WBP2NL: variants seen among roughly 807,000 people sequenced by gnomAD.
WBP2NL encodes WBP2 N-terminal like.
In WBP2NL, 27 loss-of-function variants were observed where a neutral mutation model predicts 23.3. That is an observed-to-expected ratio of 1.16 (90% confidence interval 0.85 to 1.60). The LOEUF (loss-of-function observed/expected upper bound fraction) is 1.60. Among genes scored for constraint, WBP2NL ranks in the 40% most tolerant of loss-of-function variants. The pLI is 0.00. For synonymous variants in WBP2NL, 151 were observed against 145.9 expected (o/e 1.03, Z -0.25); for missense variants, 370 against 389.5 (o/e 0.95, Z 0.42).
intron 8 of WBP2NL, among the ~76,000 whole-genome samples, chr22:42,040,695 G>GTT (rs1391704003): frequency 1.3e-5 from 2 of 152,116 alleles, no homozygotes; most frequent in Non-Finnish European, 2.9e-5. Context: ...AGAGTGTATT[G>GTT]TTTTTATGAA....
intron 1 of WBP2NL, among the ~76,000 whole-genome samples, chr22:42,008,939 C>T (rs556647198): frequency 7.9e-5 from 12 of 152,210 alleles, no homozygotes; most frequent in East Asian, 3.9e-4. Flanking sequence ...CCACCACGCC[C>T]GGCTAATTTT....
At chr22:42,041,454 C>T (rs1251334755) in intron 8 of WBP2NL, among the ~76,000 whole-genome samples, 2 of 147,940 alleles carry the variant, frequency 1.4e-5, no homozygotes, top group Non-Finnish European at 3.0e-5. Flanking sequence ...TGCACTCTAG[C>T]CTGGCAACAG....
chr22:42,037,254 C>G (rs1158446477), downstream of WBP2NL, among the ~76,000 whole-genome samples: 1 of 151,586 alleles, frequency 6.6e-6, no homozygotes, highest in Non-Finnish European at 1.5e-5. Flanking sequence ...GTAAGTTGTT[C>G]ATTAATATGT....
chr22:42,046,053 A>G (rs1925575754), intron 8 of WBP2NL, among the ~76,000 whole-genome samples: 1 of 152,240 alleles, frequency 6.6e-6, no homozygotes, highest in African/African-American at 2.4e-5. Context: ...GTTTTGTAAA[A>G]TAAGTGTCTG....
intron 5 of WBP2NL, among the ~76,000 whole-genome samples, chr22:42,025,091 G>T (rs1369757944): frequency 6.6e-6 from 1 of 152,140 alleles, no homozygotes; most frequent in South Asian, 2.1e-4. Context: ...CTGTGCCCAG[G>T]CAAAAATGGC....
At chr22:42,025,279 G>A (rs1924377034) in intron 5 of WBP2NL, among the ~76,000 whole-genome samples, 1 of 152,138 alleles carries the variant, frequency 6.6e-6, no homozygotes, top group South Asian at 2.1e-4. Context: ...TCCAACCCAT[G>A]GCCCAGGATG....
Position 42,019,798 on chromosome 22 carries a change from C to G in WBP2NL, c.308C>G (p.Pro103Arg). Residue 103 changes from proline (P) to arginine (R), a missense_variant, in exon 3 of 6, where the codon CCA (proline) becomes CGA (arginine). Pro to Arg is a moderately radical substitution (Grantham distance 103). Transcript: ENST00000328823. Reference protein sequence around the residue: ...NFIKGTIQAAPYGGWEGQATF... With the variant: ...NFIKGTIQAARYGGWEGQATF... ...ATTAAGGGAACTATTCAGGCAGCTC[C>G]ATATGGTAAGTGTTCCCTCAGAAGT... 1.2e-6 allele frequency: 2 copies of G among 1,614,162 alleles called. No homozygotes were observed. The highest frequency in any genetic ancestry group is 2.2e-5 in the East Asian group (1 of 44,886).
At chr22:42,034,910 G>T (rs1428182647), downstream of WBP2NL, among the ~76,000 whole-genome samples, 2 of 152,156 alleles carry the variant, frequency 1.3e-5, no homozygotes, top group African/African-American at 4.8e-5. Context: ...CTGTTATCCT[G>T]TTCTTTTTTC....
chr22:42,024,696 TTTG>T (rs1924316933), intron 5 of WBP2NL, among the ~76,000 whole-genome samples: 2 of 152,158 alleles, frequency 1.3e-5, no homozygotes, highest in Admixed American at 1.3e-4. Context: ...TGCTTGTCTT[TTTG>T]TTGTTGAGTT....
chr22:42,052,837 C>A (rs889431604), intron 8 of WBP2NL, among the ~76,000 whole-genome samples: 2 of 152,160 alleles, frequency 1.3e-5, no homozygotes, highest in African/African-American at 4.8e-5. Flanking sequence ...CCTTGAACAG[C>A]AGCTAATTGT....
intron 1 of WBP2NL, among the ~76,000 whole-genome samples, chr22:42,011,000 A>G (rs1256450357): frequency 6.6e-6 from 1 of 152,166 alleles, no homozygotes; most frequent in East Asian, 1.9e-4. Context: ...CATAGTGTAT[A>G]GTCCTTTTAA....
chr22:42,046,947 C>T (rs1355094947), intron 8 of WBP2NL, among the ~76,000 whole-genome samples: 3 of 152,174 alleles, frequency 2.0e-5, no homozygotes. Flanking sequence ...TGTGTTTAGA[C>T]TTTTCAGGTA....
At chr22:42,017,281 A>G (rs1207534658) in intron 1 of WBP2NL, among the ~76,000 whole-genome samples, 1 of 152,060 alleles carries the variant, frequency 6.6e-6, no homozygotes, top group African/African-American at 2.4e-5. Context: ...ATGCCTGGAT[A>G]CTTTTTGTAT....
intron 8 of WBP2NL, among the ~76,000 whole-genome samples, chr22:42,046,888 G>C (rs1427344349): frequency 2.6e-5 from 4 of 152,158 alleles, no homozygotes; most frequent in Non-Finnish European, 4.4e-5. Flanking sequence ...TTAGTCCACA[G>C]AAACTATTGA....
chr22:42,042,265 T>C (rs1369585546), intron 8 of WBP2NL, among the ~76,000 whole-genome samples: 1 of 152,196 alleles, frequency 6.6e-6, no homozygotes, highest in East Asian at 1.9e-4. Context: ...CTTTTCTCAC[T>C]CTTCTTCATC....
chr22:42,037,529 G>A (rs1925230618), downstream of WBP2NL, among the ~76,000 whole-genome samples: 1 of 151,900 alleles, frequency 6.6e-6, no homozygotes, highest in South Asian at 2.1e-4. Flanking sequence ...TCTGTAGATT[G>A]CTTTAGGTAG....
At chr22:42,019,613 C>G (rs1923693587) in intron 2 of WBP2NL, 49 bp from the exon 3 acceptor site, 2 of 1,609,630 alleles carry the variant, frequency 1.2e-6, no homozygotes, top group Non-Finnish European at 1.7e-6. Flanking sequence ...AAGTCTCAAT[C>G]CATGGACAAA....
chr22:42,037,051 A>G (rs959466554), downstream of WBP2NL, among the ~76,000 whole-genome samples: 2 of 151,698 alleles, frequency 1.3e-5, no homozygotes, highest in Non-Finnish European at 2.9e-5. Flanking sequence ...GGAATTTTGC[A>G]GTTTCAAGTT....
At chr22:42,004,907 A>G (rs1031028466) in intron 1 of WBP2NL, among the ~76,000 whole-genome samples, 2 of 149,438 alleles carry the variant, frequency 1.3e-5, no homozygotes, top group Non-Finnish European at 3.0e-5. Context: ...CTGGTCAACA[A>G]GAGCAAAACT....
Sources: allele counts gnomAD v4.1 joint callset (sites outside exome capture counted in the v4.1 genomes callset), GRCh38; gene constraint gnomAD v4.1.1; transcripts MANE v1.5; gene names NCBI Gene and HGNC (gene_info 2026-07-23, HGNC 2026-07-21).